The following UBP1 variants were observed in gnomAD, a reference collection of about 807,000 sequenced individuals.
UBP1 encodes upstream-binding protein 1.
In UBP1, 22 loss-of-function variants were observed where a neutral mutation model predicts 76.1. That is an observed-to-expected ratio of 0.29 (90% confidence interval 0.21 to 0.41). UBP1 has a LOEUF of 0.41. Among genes scored for constraint, UBP1 ranks in the 10% least tolerant of loss-of-function variants. The probability of loss-of-function intolerance (pLI) is 1.00; values close to 1 mark genes in which losing one functional copy is unlikely to be tolerated. For synonymous variants in UBP1, 224 were observed against 237.1 expected (o/e 0.94, Z 0.51); for missense variants, 436 against 668.1 (o/e 0.65, Z 3.83).
intron 5 of UBP1, among the ~76,000 whole-genome samples, 163 bp downstream of exon 5, chr3:33,411,418 T>C (rs1003354625): frequency 6.6e-6 from 1 of 152,186 alleles, no homozygotes; most frequent in Non-Finnish European, 1.5e-5. Context: ...TAGTTTAAAA[T>C]AGGGTGAACT....
chr3:33,421,905 A>G (rs1365655299), intron 2 of UBP1, among the ~76,000 whole-genome samples: 2 of 152,112 alleles, frequency 1.3e-5, no homozygotes, highest in Non-Finnish European at 1.5e-5. Context: ...TTAGCCACAC[A>G]TGGTGGCATG....
rs1484258751 is a variant in UBP1, at chr3:33,411,568, TA to T, written c.555+12del. The T allele has an allele frequency of 1.9e-6, 3 of 1,612,596 alleles. No individual in the cohort carries two copies. Among genetic ancestry groups the T allele is most frequent in the South Asian group, 1.1e-5 (1 of 91,046 alleles). ...CTAGGTTAGTAAGCTTCTAATAATGTAAAAATCCAAACCTGAATGAAAGCAG... is the reference window on the plus strand; with the variant it reads ...CTAGGTTAGTAAGCTTCTAATAATGTAAAATCCAAACCTGAATGAAAGCAG... On this transcript the variant is annotated intron_variant, in intron 5 of 15. Coordinates refer to ENST00000283629, the MANE Select transcript of UBP1 (RefSeq NM_014517.5).
intron 2 of UBP1, among the ~76,000 whole-genome samples, chr3:33,418,560 T>A (rs1247438912): frequency 6.6e-6 from 1 of 151,364 alleles, no homozygotes. Flanking sequence ...CACCCGGCCA[T>A]AAGAAGTATT....
intron 3 of UBP1, among the ~76,000 whole-genome samples, chr3:33,415,024 T>C (rs746113411): frequency 6.6e-6 from 1 of 152,236 alleles, no homozygotes; most frequent in South Asian, 2.1e-4. Context: ...TAATTTTGTA[T>C]ATTAAATGTT....
chr3:33,416,879 A>T, intron 2 of UBP1, 45 bp from the exon 3 acceptor site: 1 of 1,466,502 alleles, frequency 6.8e-7, no homozygotes, highest in Non-Finnish European at 9.5e-7. Flanking sequence ...TATAAAGAAC[A>T]TCACTTTGCT....
chr3:33,437,133 G>C (rs2045216916), intron 1 of UBP1, among the ~76,000 whole-genome samples: 3 of 152,020 alleles, frequency 2.0e-5, no homozygotes, highest in Non-Finnish European at 4.4e-5. Flanking sequence ...ATGAGAACCA[G>C]AGCCAAAAGA....
chr3:33,391,463 T>C (rs2043759687), intron 15 of UBP1: 1 of 152,238 alleles, frequency 6.6e-6, no homozygotes, highest in African/African-American at 2.4e-5. Context: ...TCACTGCTGA[T>C]ATGCTGAAGG....
In UBP1 at chr3:33,423,236, C is replaced by T. The variant is rs566120125; in HGVS notation, c.265+2354G>A. On this transcript the variant is annotated intron_variant, in intron 2 of 15. Coordinates refer to ENST00000283629, the MANE Select transcript of UBP1 (RefSeq NM_014517.5). ...TGTATTTCTAGTAGAGACGGGGTTT[C>T]ACCATGTTGGCCAGGATGCTCTTGA... Among the ~76,000 whole-genome samples, 64 of 152,228 alleles carry T rather than the reference C, an allele frequency of 4.2e-4. 2 individuals are homozygous for T. In the South Asian group the frequency reaches 0.013, roughly 31 times the overall value.
chr3:33,425,918 A>G (rs2045003032), intron 1 of UBP1, among the ~76,000 whole-genome samples, 177 bp from the exon 2 acceptor site: 1 of 147,162 alleles, frequency 6.8e-6, no homozygotes, highest in Non-Finnish European at 1.5e-5. Context: ...TATGAATGCT[A>G]TGTGGTTCAT....
chr3:33,414,315 C>A (rs1266318467), intron 3 of UBP1: 1 of 151,966 alleles, frequency 6.6e-6, no homozygotes, highest in African/African-American at 2.4e-5. Flanking sequence ...AAAGGAACTT[C>A]TTATATGAAA....
chr3:33,429,267 T>C (rs553721577), intron 1 of UBP1, among the ~76,000 whole-genome samples: 1 of 152,206 alleles, frequency 6.6e-6, no homozygotes. Flanking sequence ...AAAACCTTGA[T>C]GGTTTTTGTA....
chr3:33,404,823 A>T (rs1029032799), intron 8 of UBP1, among the ~76,000 whole-genome samples: 3 of 152,182 alleles, frequency 2.0e-5, no homozygotes, highest in Non-Finnish European at 2.9e-5. Flanking sequence ...TTGACAGATG[A>T]TTCAAAAGGA....
At position 33,397,039 on chromosome 3, in the gene UBP1, T is replaced by C; in HGVS notation, c.1271+6A>G. 1 of 1,587,940 alleles carries C rather than the reference T, an allele frequency of 6.3e-7. No individual in the cohort carries two copies. On this transcript the variant is annotated splice_donor_region_variant and intron_variant, in intron 12 of 15. Transcript: ENST00000283629. ...ATTTCAAGCAAAACAGTTCACAGTA[T>C]TTTACCTTGACTTCAGTGAATTATA...
chr3:33,409,684 C>A (rs1256797960), intron 5 of UBP1, 83 bp from the exon 6 acceptor site: 238 of 1,528,702 alleles, frequency 1.6e-4, no homozygotes, highest in Non-Finnish European at 2.0e-4. Flanking sequence ...AGTGACCTGA[C>A]ACCACTATAA....
chr3:33,395,889 G>A (rs1309743994), intron 13 of UBP1, among the ~76,000 whole-genome samples: 1 of 146,958 alleles, frequency 6.8e-6, no homozygotes, highest in East Asian at 2.0e-4. Flanking sequence ...ATTCAAGCTA[G>A]TTTTTCCACT....
intron 8 of UBP1, among the ~76,000 whole-genome samples, chr3:33,407,917 G>A (rs763140591): frequency 1.1e-4 from 17 of 152,182 alleles, no homozygotes; most frequent in Non-Finnish European, 1.9e-4. Context: ...CAGGATCATC[G>A]TTTGTGGACT....
intron 2 of UBP1, among the ~76,000 whole-genome samples, chr3:33,419,394 C>A (rs1342361910): frequency 6.6e-6 from 1 of 151,930 alleles, no homozygotes; most frequent in Admixed American, 6.6e-5. Flanking sequence ...CTTTGGGAGG[C>A]TGAGGTGGGC....
intron 13 of UBP1, among the ~76,000 whole-genome samples, chr3:33,395,714 C>T (rs566267431): frequency 5.4e-4 from 63 of 117,414 alleles, no homozygotes; most frequent in African/African-American, 1.9e-3. Context: ...ATATGTTATG[C>T]TTTAAGAGTT....
At chr3:33,435,140 TAAATC>T (rs2154060116) in intron 1 of UBP1, among the ~76,000 whole-genome samples, 1 of 152,378 alleles carries the variant, frequency 6.6e-6, no homozygotes, top group Non-Finnish European at 1.5e-5. Context: ...ACTATAATCT[TAAATC>T]AATAAATGTT....
Sources: allele counts gnomAD v4.1 joint callset (sites outside exome capture counted in the v4.1 genomes callset), GRCh38; gene constraint gnomAD v4.1.1; transcripts MANE v1.5; gene names NCBI Gene and HGNC (gene_info 2026-07-23, HGNC 2026-07-21).